Variants in CSMD1 observed in about 807,000 individuals in gnomAD.
CSMD1 encodes CUB and Sushi multiple domains 1.
In CSMD1, 213 loss-of-function variants were observed where a neutral mutation model predicts 417.5. The ratio of observed to expected loss-of-function variants is 0.51; its 90% CI spans 0.46 to 0.57. The LOEUF is 0.57. Among genes scored for constraint, CSMD1 ranks in the 20% least tolerant of loss-of-function variants. The pLI, the probability that CSMD1 is intolerant of heterozygous loss-of-function variation, is 0.00. For synonymous variants in CSMD1, 2,862 were observed against 1,736.8 expected (o/e 1.65, Z -16.11); for missense variants, 6,923 against 4,529.7 (o/e 1.53, Z -15.17).
At chr8:4,459,680 G>A (rs1358025507) in intron 2 of CSMD1, among the ~76,000 whole-genome samples, 4 of 152,188 alleles carry the variant, frequency 2.6e-5, no homozygotes, top group African/African-American at 4.8e-5. Flanking sequence ...AAGAAGTGTG[G>A]ACATAAGAAT....
At chr8:4,961,519 T>C (rs1181068760) in intron 1 of CSMD1, among the ~76,000 whole-genome samples, 1 of 152,198 alleles carries the variant, frequency 6.6e-6, no homozygotes, top group Non-Finnish European at 1.5e-5. Flanking sequence ...TCCATTAGTT[T>C]GGCTAGTTTG....
intron 8 of CSMD1, among the ~76,000 whole-genome samples, chr8:3,602,711 A>C (rs1801420997): frequency 7.4e-6 from 1 of 135,030 alleles, no homozygotes; most frequent in Non-Finnish European, 1.5e-5. Flanking sequence ...TTTTACAGGA[A>C]GAATTACACA....
intron 3 of CSMD1, among the ~76,000 whole-genome samples, chr8:4,161,322 G>C (rs547508088): frequency 8.5e-4 from 129 of 152,324 alleles, no homozygotes; most frequent in African/African-American, 3.0e-3. Context: ...GTAAGTGACA[G>C]AATTAGGGCT....
chr8:3,612,121 A>G (rs1801923690), intron 8 of CSMD1, among the ~76,000 whole-genome samples: 1 of 152,158 alleles, frequency 6.6e-6, no homozygotes, highest in African/African-American at 2.4e-5. Flanking sequence ...CATATATTAT[A>G]GACTAACAAT....
At chr8:4,068,086 G>C (rs371335835) in intron 3 of CSMD1, among the ~76,000 whole-genome samples, 2 of 149,512 alleles carry the variant, frequency 1.3e-5, no homozygotes, top group African/African-American at 2.4e-5. Flanking sequence ...TCTCAAAAAA[G>C]AAAAAAAGAA....
At chr8:4,057,690 T>G (rs1038593537) in intron 3 of CSMD1, among the ~76,000 whole-genome samples, 1 of 151,838 alleles carries the variant, frequency 6.6e-6, no homozygotes. Flanking sequence ...GTCTTTAATC[T>G]ATCTTGAATT....
At chr8:3,774,619 T>C (rs1013894475) in intron 5 of CSMD1, among the ~76,000 whole-genome samples, 8 of 152,214 alleles carry the variant, frequency 5.3e-5, no homozygotes, top group Admixed American at 1.3e-4. Context: ...CTGTTTCAAA[T>C]TCTCACTATC....
Position 3,186,984 on chromosome 8 carries a change from C to T in CSMD1, c.5620+885G>A, listed in dbSNP as rs534097802. Among the ~76,000 whole-genome samples, 3 of 152,162 alleles carry T rather than the reference C, an allele frequency of 2.0e-5. No homozygotes were observed. The South Asian group carries it at 6.2e-4, about 32-fold the overall frequency. On this transcript the variant is annotated intron_variant, in intron 36 of 69. Coordinates refer to ENST00000635120, the MANE Select transcript of CSMD1 (RefSeq NM_033225.6). ...CTCGAACTACTGACCTCAGGTGATC[C>T]GCCCACCTCAGCCTCCCAATGTAAT...
At chr8:4,631,544 G>T (rs1177259007) in intron 2 of CSMD1, among the ~76,000 whole-genome samples, 4 of 151,878 alleles carry the variant, frequency 2.6e-5, no homozygotes, top group Non-Finnish European at 5.9e-5. Flanking sequence ...CCTTTCTTTA[G>T]CCCTCATATG....
chr8:3,057,524 A>T (rs190857694), intron 49 of CSMD1, among the ~76,000 whole-genome samples: 1 of 151,094 alleles, frequency 6.6e-6, no homozygotes, highest in East Asian at 1.9e-4. Context: ...ATATAAGTAC[A>T]TATGTGTAAT....
intron 10 of CSMD1, among the ~76,000 whole-genome samples, chr8:3,515,077 A>C (rs1051582590): frequency 6.6e-6 from 1 of 152,214 alleles, no homozygotes; most frequent in Admixed American, 6.5e-5. Context: ...ATAATAATAC[A>C]GTTAATGAAC....
chr8:3,522,098 A>C (rs1004921864), intron 10 of CSMD1, among the ~76,000 whole-genome samples: 35 of 152,194 alleles, frequency 2.3e-4, no homozygotes, highest in African/African-American at 7.7e-4. Context: ...AATTGCATTA[A>C]CTTTTTTTAA....
intron 3 of CSMD1, among the ~76,000 whole-genome samples, chr8:4,251,274 TA>T (rs530644636): frequency 2.6e-4 from 40 of 152,194 alleles, no homozygotes; most frequent in South Asian, 2.3e-3. Context: ...GAAGGCTTTT[TA>T]AAAAAAATGT....
At chr8:3,485,538 C>CACAG (rs376214281) in intron 11 of CSMD1, among the ~76,000 whole-genome samples, 75 of 135,020 alleles carry the variant, frequency 5.6e-4, no homozygotes, top group African/African-American at 2.0e-3. Context: ...CACACACACA[C>CACAG]AGAGAGAGAG....
intron 5 of CSMD1, among the ~76,000 whole-genome samples, chr8:3,790,396 G>C (rs1799670907): frequency 6.6e-6 from 1 of 152,140 alleles, no homozygotes; most frequent in African/African-American, 2.4e-5. Flanking sequence ...GGTGATGTTT[G>C]ACAGTTATAA....
chr8:4,205,773 G>A (rs532489322), intron 3 of CSMD1, among the ~76,000 whole-genome samples: 154 of 152,274 alleles, frequency 1.0e-3, no homozygotes, highest in Non-Finnish European at 1.9e-3. Context: ...GGCCATAGAA[G>A]AAATAGATGC....
chr8:4,214,254 G>A (rs978313012), intron 3 of CSMD1, among the ~76,000 whole-genome samples: 2 of 152,160 alleles, frequency 1.3e-5, no homozygotes, highest in African/African-American at 2.4e-5. Flanking sequence ...AAATGTTTGA[G>A]ACTTTTACAA....
chr8:4,093,227 A>T lies in CSMD1; in HGVS notation c.416-61128T>A, dbSNP rs183008977. Among the ~76,000 whole-genome samples the T allele has an allele frequency of 2.1e-3, 313 of 151,410 alleles. 1 individual carries two copies. Among genetic ancestry groups the T allele is most frequent in the Non-Finnish European group, 2.3e-3 (159 of 67,830 alleles). On this transcript the variant is annotated intron_variant, in intron 3 of 69. Transcript: ENST00000635120. ...TATGTAAATAAAGTATAATTTACCTATGTTTACATAATACTTTGCTAATTA... is the reference window on the plus strand; with the variant it reads ...TATGTAAATAAAGTATAATTTACCTTTGTTTACATAATACTTTGCTAATTA...
intron 2 of CSMD1, among the ~76,000 whole-genome samples, chr8:4,479,383 G>C (rs977350768): frequency 2.6e-5 from 4 of 152,092 alleles, no homozygotes; most frequent in Admixed American, 6.6e-5. Flanking sequence ...ATTGATTATA[G>C]TTAGCAGGTA....
Sources: allele counts gnomAD v4.1 joint callset (sites outside exome capture counted in the v4.1 genomes callset), GRCh38; gene constraint gnomAD v4.1.1; transcripts MANE v1.5; gene names NCBI Gene and HGNC (gene_info 2026-07-23, HGNC 2026-07-21).